AKAP1: variants seen among roughly 807,000 people sequenced by gnomAD.
AKAP1 encodes the protein A-kinase anchor protein 1, mitochondrial.
Under a neutral mutation model 79.8 loss-of-function variants are expected in AKAP1, and 32 were observed. The ratio of observed to expected loss-of-function variants is 0.40; its 90% confidence interval spans 0.30 to 0.54. The LOEUF is 0.54. AKAP1 is among the 20% of genes least tolerant of loss of function. The pLI is 0.47. For synonymous variants in AKAP1, 416 were observed against 466.7 expected, an observed-to-expected ratio of 0.89 and a Z score of 1.40; for missense variants, 961 against 1,138.9, an observed-to-expected ratio of 0.84 and a Z score of 2.25.
At chr17:57,119,117 A>T in intron 10 of AKAP1, 73 bp downstream of exon 10, 1 of 1,510,380 alleles carries the variant, frequency 6.6e-7, no homozygotes, top group Non-Finnish European at 9.2e-7. Flanking sequence ...TGGTCCTGGG[A>T]TTTGTTTCCT....
intron 1 of AKAP1, chr17:57,095,921 A>G (rs1322358381): frequency 6.6e-6 from 1 of 152,208 alleles, no homozygotes; most frequent in Non-Finnish European, 1.5e-5. Context: ...ATTCACTTGT[A>G]AAGCAAGATG....
intron 3 of AKAP1, 49 bp downstream of exon 3, chr17:57,110,207 C>T: frequency 6.2e-7 from 1 of 1,606,070 alleles, no homozygotes; most frequent in Non-Finnish European, 8.5e-7. Flanking sequence ...CCAAAGCTCC[C>T]TGGGGCCAGG....
intron 6 of AKAP1, among the ~76,000 whole-genome samples, chr17:57,115,504 G>T (rs942396901): frequency 6.6e-6 from 1 of 152,180 alleles, no homozygotes; most frequent in Non-Finnish European, 1.5e-5. Context: ...GGGTGCTGCT[G>T]GGAACGTTTA....
intron 2 of AKAP1, among the ~76,000 whole-genome samples, 183 bp from the exon 3 acceptor site, chr17:57,109,842 C>T (rs942538383): frequency 2.0e-5 from 3 of 152,184 alleles, no homozygotes; most frequent in Non-Finnish European, 4.4e-5. Flanking sequence ...TCGACACCCC[C>T]AGTTCTCCTT....
chr17:57,110,242 G>A, intron 3 of AKAP1, 84 bp downstream of exon 3: 1 of 1,550,468 alleles, frequency 6.4e-7, no homozygotes, highest in South Asian at 1.2e-5. Flanking sequence ...GGGAGGGAGG[G>A]GGCTGGGAGA....
intron 1 of AKAP1, chr17:57,101,708 GAAGT>G (rs984375435): frequency 2.0e-5 from 3 of 152,170 alleles, no homozygotes; most frequent in Admixed American, 6.5e-5. Context: ...CCAAAAGGAG[GAAGT>G]AAGACTCTTT....
At chr17:57,110,874 A>C (rs562413907) in intron 3 of AKAP1, among the ~76,000 whole-genome samples, 1 of 152,292 alleles carries the variant, frequency 6.6e-6, no homozygotes, top group South Asian at 2.1e-4. Context: ...AACTTACAAC[A>C]TATTAGCTTG....
At position 57,103,747 on chromosome 17, in the gene AKAP1, A is replaced by C. The variant is rs57580942; in HGVS notation, c.-24-1694A>C. Among the ~76,000 whole-genome samples, 1,303 of 152,298 alleles carry C rather than the reference A, an allele frequency of 8.6e-3. 6 individuals carry two copies. Among genetic ancestry groups the C allele is most frequent in the Middle Eastern group, 0.027 (8 of 294 alleles). On this transcript the variant is annotated intron_variant, in intron 1 of 10. Transcript: ENST00000337714. ...TGCTGGCATAGGAAGCATTGAATGT[A>C]AGTGTTCTAGAATAAGCCCATCATA...
In AKAP1 at chr17:57,112,635, G is replaced by A. The variant is rs1448994117; in HGVS notation, c.2103+17G>A. 3.1e-6 allele frequency: 5 copies of A among 1,593,886 alleles called. No homozygotes were observed. The highest frequency in any genetic ancestry group is 4.3e-6 in the Non-Finnish European group (5 of 1,170,614). On this transcript the variant is annotated intron_variant, in intron 5 of 10. Coordinates refer to ENST00000337714, the MANE Select transcript of AKAP1 (RefSeq NM_003488.4). ...ACATCCTGGGTGAGCGTGCTACTGGGTGATCCGGACTTCTTGCCACTTTCC... is the reference window on the plus strand; with the variant it reads ...ACATCCTGGGTGAGCGTGCTACTGGATGATCCGGACTTCTTGCCACTTTCC...
intron 9 of AKAP1, among the ~76,000 whole-genome samples, chr17:57,118,725 G>T (rs1460004013): frequency 6.6e-6 from 1 of 152,138 alleles, no homozygotes; most frequent in Non-Finnish European, 1.5e-5. Context: ...TGGCAGAAAG[G>T]GAAGAGGCAC....
rs1273064106 is a variant in AKAP1, at chr17:57,114,625, C to T, written c.2270C>T (p.Thr757Ile). 2.5e-6 allele frequency: 4 copies of T among 1,613,860 alleles called. No individual in the cohort carries two copies. Among genetic ancestry groups the T allele is most frequent in the Non-Finnish European group, 2.5e-6 (3 of 1,179,910 alleles). The part of the protein sequence containing the change: ...YSQPGIPTLP[T>I]PVEITVICAA... ...CAGCCTGGAATCCCCACCTTGCCCA[C>T]CCCAGTGGAAAGTAAGCAGTGCCCT... Residue 757 changes from threonine (T) to isoleucine (I), a missense_variant, in exon 6 of 11, where the codon ACC becomes ATC. Around this residue, in one of 3 missense-constraint regions of AKAP1, gnomAD observed 629 missense variants for 781.1 expected, o/e 0.81. Coordinates refer to ENST00000337714, the MANE Select transcript of AKAP1 (RefSeq NM_003488.4).
At chr17:57,108,062 G>C (rs983540750) in intron 2 of AKAP1, 2 of 1,179,666 alleles carry the variant, frequency 1.7e-6, no homozygotes, top group Non-Finnish European at 2.1e-6. Flanking sequence ...AGCAGCTCCT[G>C]ACCCTGCTTC....
chr17:57,106,452 A>AGCTTGGATAGAAATGAGGAGG lies in AKAP1; in HGVS notation c.1009_1029dup (p.Gly337_Glu343dup), dbSNP rs761660278. 340 of 1,441,812 alleles carry AGCTTGGATAGAAATGAGGAGG rather than the reference A, an allele frequency of 2.4e-4. No individual in the cohort carries two copies. The Middle Eastern group carries it at 2.6e-3, about 11-fold the overall frequency. The allele number at this position is 1,441,812 out of a possible 1,614,324, so 89.3% of individuals were successfully genotyped here. A position where few individuals can be genotyped will look rare whatever the true frequency, so the allele number is the denominator to read the frequency against. On this transcript the variant is annotated inframe_insertion, in exon 2 of 11. Transcript: ENST00000337714. ...GGAGGGCTTGGATAGAAATGAGGAG[A>AGCTTGGATAGAAATGAGGAGG]GCTTGGATAGAAATGAGGAGGGCTT...
At position 57,086,087 on chromosome 17, in the gene AKAP1, G is replaced by A; in HGVS notation, c.-25+689G>A. ...TTGGGGTCTGGAGGTCGGAGGCTCA[G>A]GGGCGTCTCGGGGGGAATTTGCATT... On this transcript the variant is annotated intron_variant, in intron 1 of 10. Transcript: ENST00000337714. This position sits in a 1 kb window ranked among gnomAD's most constrained non-coding sequence, Gnocchi z 5.1. 1.2e-5 allele frequency: 3 copies of A among 253,282 alleles called. No individual in the cohort carries two copies. Among genetic ancestry groups the A allele is most frequent in the Non-Finnish European group, 2.4e-5 (3 of 126,176 alleles). 15.7% of individuals were successfully genotyped at this position (253,282 alleles called of 1,614,324 possible). A position where few individuals can be genotyped will look rare whatever the true frequency, so the allele number is the denominator to read the frequency against.
intron 1 of AKAP1, among the ~76,000 whole-genome samples, chr17:57,089,930 GTCCTTGGTC>G (rs1169898917): frequency 1.3e-5 from 2 of 152,210 alleles, no homozygotes; most frequent in African/African-American, 2.4e-5. Flanking sequence ...CTGCTGGTTT[GTCCTTGGTC>G]TCCAAATGTC....
intron 1 of AKAP1, among the ~76,000 whole-genome samples, chr17:57,100,972 T>C (rs373677755): frequency 9.6e-4 from 146 of 151,758 alleles, no homozygotes; most frequent in African/African-American, 3.0e-3. Context: ...GAGGTTGCGG[T>C]GAGCCAAGAT....
At chr17:57,100,447 G>GCGCA (rs1914430834) in intron 1 of AKAP1, among the ~76,000 whole-genome samples, 2 of 75,302 alleles carry the variant, frequency 2.7e-5, no homozygotes, top group Non-Finnish European at 5.2e-5. Context: ...ACACACACAC[G>GCGCA]CACACACACA....
rs1342575333 is a variant in AKAP1, at chr17:57,105,503, G to A, written c.39G>A (p.Leu13=). 3.7e-6 allele frequency: 6 copies of A among 1,614,012 alleles called. No individual in the cohort carries two copies. Among genetic ancestry groups the A allele is most frequent in the Admixed American group, 1.7e-5 (1 of 60,006 alleles). The change falls in exon 2 of 11, where the codon TTG becomes TTA. Residue 13 remains leucine, a synonymous_variant. Coordinates refer to ENST00000337714, the MANE Select transcript of AKAP1 (RefSeq NM_003488.4). ...TCCGTTCGCTCTTCCCCTTGGCATTGCCTGGGATGCTGGCGCTCCTCGGCT... is the reference window on the plus strand; with the variant it reads ...TCCGTTCGCTCTTCCCCTTGGCATTACCTGGGATGCTGGCGCTCCTCGGCT... ...IQFRSLFPLA[L]PGMLALLGWW... is the part of the protein sequence containing the mutation.
intron 1 of AKAP1, among the ~76,000 whole-genome samples, chr17:57,102,310 GT>G (rs1255063642): frequency 2.6e-5 from 4 of 152,142 alleles, no homozygotes; most frequent in African/African-American, 9.6e-5. Context: ...GTAGGATGTG[GT>G]TATGAGCTTT....
Sources: gnomAD v4.1 joint callset for allele counts (sites outside exome capture counted in the v4.1 genomes callset) on GRCh38, gnomAD v4.1.1 for gene constraint, gnomAD v4.1.1 regional missense constraint, Gnocchi (gnomAD v3.1) non-coding constraint, MANE v1.5 for transcripts, NCBI Gene and HGNC (gene_info 2026-07-23, HGNC 2026-07-21) for gene names.